CCNA2: variants seen among roughly 807,000 people sequenced by gnomAD.
CCNA2 encodes the protein cyclin A2, also known as cyclin-A2.
A neutral mutation model predicts 49.4 loss-of-function variants in CCNA2; 3 were observed. That is an observed-to-expected ratio of 0.06 (90% CI 0.03 to 0.16). The LOEUF (loss-of-function observed/expected upper bound fraction) is 0.16, where lower values mean the gene tolerates loss of function less well. CCNA2 is among the 10% of genes least tolerant of loss of function. The probability of loss-of-function intolerance (pLI) is 1.00; values close to 1 mark genes in which losing one functional copy is unlikely to be tolerated. For synonymous variants in CCNA2, 206 were observed against 197.2 expected, an observed-to-expected ratio of 1.04 and a Z score of -0.37; for missense variants, 372 against 519.7, an observed-to-expected ratio of 0.72 and a Z score of 2.76.
Position 121,820,951 on chromosome 4 carries a change from A to T in CCNA2, c.570+28T>A, listed in dbSNP as rs751264133. 10 of 1,568,316 alleles carry T rather than the reference A, an allele frequency of 6.4e-6. No homozygotes were observed. The Admixed American group carries it at 1.0e-4, about 16-fold the overall frequency. ...TTTAGCCACATTTAACAAATACATT[A>T]TACAAACTGGATTCAGAGAACCTTT... On this transcript the variant is annotated intron_variant, in intron 3 of 7. Transcript: ENST00000274026. The surrounding 1 kb of genome is among the most constrained non-coding windows in gnomAD (Gnocchi z 4.1).
At position 121,819,565 on chromosome 4, in the gene CCNA2, A is replaced by T; in HGVS notation, c.809T>A (p.Ile270Lys). ...AMLLASKFEE[I>K]YPPEVAEFVY... Reference sequence around the variant, plus strand: ...AAACTCTGCTACTTCTGGGGGGTATATTTCTTCAAACTTTCTACAATGAAA... The same window carrying T: ...AAACTCTGCTACTTCTGGGGGGTATTTTTCTTCAAACTTTCTACAATGAAA... Residue 270 changes from isoleucine to lysine, a missense_variant, in exon 5 of 8, where the codon ATA becomes AAA. This residue lies in a region of CCNA2 where 155 missense variants were observed against 288.1 expected (regional missense o/e 0.54). Transcript: ENST00000274026. 1 of 1,612,640 alleles carries T rather than the reference A, an allele frequency of 6.2e-7. No homozygotes were observed. Among genetic ancestry groups the T allele is most frequent in the Non-Finnish European group, 8.5e-7 (1 of 1,178,912 alleles).
chr4:121,820,872 A>G lies in CCNA2; in HGVS notation c.570+107T>C. 3 of 1,252,474 alleles carry G rather than the reference A, an allele frequency of 2.4e-6. No individual in the cohort carries two copies. Among genetic ancestry groups the G allele is most frequent in the African/African-American group, 1.5e-5 (1 of 66,628 alleles). 77.6% of individuals were successfully genotyped at this position (1,252,474 alleles called of 1,614,324 possible). A position where few individuals can be genotyped will look rare whatever the true frequency, so the allele number is the denominator to read the frequency against. On this transcript the variant is annotated intron_variant, in intron 3 of 7. Coordinates refer to ENST00000274026, the MANE Select transcript of CCNA2 (RefSeq NM_001237.5). This position sits in a 1 kb window ranked among gnomAD's most constrained non-coding sequence, Gnocchi z 4.1. ...GGCTACATGCTATAAACTTAACTGT[A>G]GCATTAGAATAATTCATTAGTTTAA...
In CCNA2 at chr4:121,817,778, A is replaced by G. The variant is rs987500218; in HGVS notation, c.1251-92T>C. 3.2e-6 allele frequency: 5 copies of G among 1,539,336 alleles called. No individual in the cohort carries two copies. The Admixed American group carries it at 5.3e-5, about 16-fold the overall frequency. ...TGTTTGTACTCATGTATTGGGAACT[A>G]AAAAATGCTATTTCTGTCTGACCGA... On this transcript the variant is annotated intron_variant, in intron 7 of 7. Transcript: ENST00000274026.
intron 5 of CCNA2, 64 bp from the exon 6 acceptor site, chr4:121,818,977 TCTAAC>T (rs1386804362): frequency 2.2e-5 from 23 of 1,062,126 alleles, no homozygotes; most frequent in Middle Eastern, 2.0e-4. Context: ...ACCTCTGCCT[TCTAAC>T]CTAATTTTTT....
chr4:121,823,753 A>C lies in CCNA2; in HGVS notation c.-125T>G. 1 of 1,430,654 alleles carries C rather than the reference A, an allele frequency of 7.0e-7. No homozygotes were observed. Among genetic ancestry groups the C allele is most frequent in the Non-Finnish European group, 9.1e-7 (1 of 1,094,902 alleles). 88.6% of individuals were successfully genotyped at this position (1,430,654 alleles called of 1,614,324 possible). ...GTAGCCGCCGGTCGCAGCCCAGGCCAGCCTACCAGCCCGCCCGCTCGCTCA... is the reference window on the plus strand; with the variant it reads ...GTAGCCGCCGGTCGCAGCCCAGGCCCGCCTACCAGCCCGCCCGCTCGCTCA... On this transcript the variant is annotated 5_prime_UTR_variant, in exon 1 of 8. Transcript: ENST00000274026.
rs1436611730 is a variant in CCNA2, at chr4:121,818,191, A to C, written c.1117-14T>G. ...TAATGATTCAGGCTACAGAGAAGGG[A>C]ATAGAGAACCCCTGAGTTTTGCTTT... On this transcript the variant is annotated splice_polypyrimidine_tract_variant and intron_variant, in intron 6 of 7. Coordinates refer to ENST00000274026, the MANE Select transcript of CCNA2 (RefSeq NM_001237.5). 6.2e-7 allele frequency: 1 copy of C among 1,605,840 alleles called. No individual in the cohort carries two copies. The highest frequency in any genetic ancestry group is 2.2e-5 in the East Asian group (1 of 44,836).
chr4:121,822,258 G>GT, intron 2 of CCNA2, 145 bp downstream of exon 2: 1 of 788,238 alleles, frequency 1.3e-6, no homozygotes, highest in Non-Finnish European at 2.0e-6. Context: ...TCTGAGATAA[G>GT]TCACATCCTT....
chr4:121,818,328 G>T, intron 6 of CCNA2, 151 bp from the exon 7 acceptor site: 1 of 705,784 alleles, frequency 1.4e-6, no homozygotes, highest in Non-Finnish European at 2.4e-6. Flanking sequence ...TCCATCCCTC[G>T]ATCCATTTTC....
Position 121,817,431 on chromosome 4 carries a change from CTTAAAA to C in CCNA2, c.*201_*206del, listed in dbSNP as rs777640763. 2.0e-6 allele frequency: 1 copy of C among 497,704 alleles called. No homozygotes were observed. The highest frequency in any genetic ancestry group is 3.4e-6 in the Non-Finnish European group (1 of 295,718). The allele number at this position is 497,704 out of a possible 1,614,324, so 30.8% of individuals were successfully genotyped here. A position where few individuals can be genotyped will look rare whatever the true frequency, so the allele number is the denominator to read the frequency against. ...CATCATTAATACTTTAACAAAACCA[CTTAAAA>C]TTAGCCAAATATCTAAGACAGATAC... On this transcript the variant is annotated 3_prime_UTR_variant, in exon 8 of 8. Coordinates refer to ENST00000274026, the MANE Select transcript of CCNA2 (RefSeq NM_001237.5).
rs1724522940 is a variant in CCNA2 at position 121,816,589 on chromosome 4, A to AC, written c.*1048_*1049insG. The AC allele has an allele frequency of 2.4e-6, 2 of 821,108 alleles. No homozygotes were observed. The highest frequency in any genetic ancestry group is 3.4e-5 in the Admixed American group (1 of 29,542). 50.9% of individuals were successfully genotyped at this position (821,108 alleles called of 1,614,324 possible). A position where few individuals can be genotyped will look rare whatever the true frequency, so the allele number is the denominator to read the frequency against. On this transcript the variant is annotated 3_prime_UTR_variant, in exon 8 of 8. Coordinates refer to ENST00000274026, the MANE Select transcript of CCNA2 (RefSeq NM_001237.5). ...TCATTAGAGATCCATCTGTTCTGTGATTTTTTTACCTTGTGATTTATAAAA... is the reference window on the plus strand; with the variant it reads ...TCATTAGAGATCCATCTGTTCTGTGACTTTTTTTACCTTGTGATTTATAAAA...
intron 5 of CCNA2, among the ~76,000 whole-genome samples, 153 bp downstream of exon 5, chr4:121,819,219 C>T (rs1012651976): frequency 1.3e-5 from 2 of 152,174 alleles, no homozygotes; most frequent in African/African-American, 4.8e-5. Flanking sequence ...CAGCAGTAGG[C>T]TTTCTTCCAT....
chr4:121,816,599 C>T lies in CCNA2; in HGVS notation c.*1039G>A. The T allele has an allele frequency of 2.4e-6, 2 of 819,784 alleles. No homozygotes were observed. Among genetic ancestry groups the T allele is most frequent in the South Asian group, 2.3e-5 (1 of 43,788 alleles). 50.8% of individuals were successfully genotyped at this position (819,784 alleles called of 1,614,324 possible). On this transcript the variant is annotated 3_prime_UTR_variant, in exon 8 of 8. Transcript: ENST00000274026. ...TCCATCTGTTCTGTGATTTTTTTAC[C>T]TTGTGATTTATAAAAATTAGGACCT... is the stretch of plus-strand genomic sequence containing the variant.
chr4:121,822,230 C>G (rs1379734787), intron 2 of CCNA2, among the ~76,000 whole-genome samples, 173 bp downstream of exon 2: 1 of 152,130 alleles, frequency 6.6e-6, no homozygotes, highest in Non-Finnish European at 1.5e-5. Flanking sequence ...GTCACCAAGT[C>G]AAGTGTTAGC....
chr4:121,816,482 T>G lies in CCNA2; in HGVS notation c.*1156A>C. 1.5e-6 allele frequency: 2 copies of G among 1,297,148 alleles called. No homozygotes were observed. The highest frequency in any genetic ancestry group is 2.2e-6 in the Non-Finnish European group (2 of 922,004). 80.4% of individuals were successfully genotyped at this position (1,297,148 alleles called of 1,614,324 possible). On this transcript the variant is annotated 3_prime_UTR_variant, in exon 8 of 8. Coordinates refer to ENST00000274026, the MANE Select transcript of CCNA2 (RefSeq NM_001237.5). ...TTCTGGTTTATTTCAAATGTATACA[T>G]ATACTCAACACTTATAGAGGTTTGC...
Position 121,818,892 on chromosome 4 carries a change from T to C in CCNA2, c.1024A>G (p.Ile342Val). 2.5e-6 allele frequency: 4 copies of C among 1,610,916 alleles called. No individual in the cohort carries two copies. The highest frequency in any genetic ancestry group is 2.5e-6 in the Non-Finnish European group (3 of 1,177,092). The change falls in exon 6 of 8, where the codon ATA (isoleucine) becomes GTA (valine). Residue 342 changes from isoleucine to valine, a missense_variant. Around this residue, in one of 2 missense-constraint regions of CCNA2, gnomAD observed 155 missense variants for 288.1 expected, o/e 0.54. Transcript: ENST00000274026. Reference sequence around the variant, plus strand: ...TACTTGAGGTATGGGTCAGCATCTATCAAACTTAATTCTCCCAAAAACTGG... The same window carrying C: ...TACTTGAGGTATGGGTCAGCATCTACCAAACTTAATTCTCCCAAAAACTGG... Reference protein sequence around the residue: ...LAMFLGELSLIDADPYLKYLP... With the variant: ...LAMFLGELSLVDADPYLKYLP...
At position 121,817,423 on chromosome 4, in the gene CCNA2, C is replaced by A; in HGVS notation, c.*215G>T. On this transcript the variant is annotated 3_prime_UTR_variant, in exon 8 of 8. Transcript: ENST00000274026. ...ACAGCTGGCATCATTAATACTTTAA[C>A]AAAACCACTTAAAATTAGCCAAATA... The A allele has an allele frequency of 2.1e-6, 1 of 473,374 alleles. No individual in the cohort carries two copies. Among genetic ancestry groups the A allele is most frequent in the Non-Finnish European group, 3.6e-6 (1 of 276,968 alleles). 29.3% of individuals were successfully genotyped at this position (473,374 alleles called of 1,614,324 possible). A position where few individuals can be genotyped will look rare whatever the true frequency, so the allele number is the denominator to read the frequency against.
At position 121,818,983 on chromosome 4, in the gene CCNA2, C is replaced by T; in HGVS notation, c.1003-70G>A. ...AAATGTCAAACCTCTGCCTTCTAAC[C>T]TAATTTTTTCCTGCCTTTGATAACG... On this transcript the variant is annotated intron_variant, in intron 5 of 7. Coordinates refer to ENST00000274026, the MANE Select transcript of CCNA2 (RefSeq NM_001237.5). The T allele has an allele frequency of 6.0e-6, 6 of 1,001,608 alleles. No individual in the cohort carries two copies. The Admixed American group carries it at 1.1e-4, about 19-fold the overall frequency. The allele number at this position is 1,001,608 out of a possible 1,614,324, so 62.0% of individuals were successfully genotyped here.
chr4:121,823,509 G>T lies in CCNA2; in HGVS notation c.120C>A (p.Pro40=), dbSNP rs758098987. ...QENINPEKAA[P]VQQPRTRAAL... The stretch of plus-strand genomic sequence containing the variant: ...CGGCCCGGGTCCGCGGTTGTTGGAC[G>T]GGCGCTGCCTTTTCCGGGTTGATAT... Residue 40 remains proline (P), a synonymous_variant, in exon 1 of 8, where the codon CCC becomes CCA. Coordinates refer to ENST00000274026, the MANE Select transcript of CCNA2 (RefSeq NM_001237.5). The T allele has an allele frequency of 3.7e-6, 6 of 1,613,178 alleles. No homozygotes were observed. The South Asian group carries it at 6.6e-5, about 18-fold the overall frequency.
Position 121,820,482 on chromosome 4 carries a change from T to C in CCNA2, c.794+60A>G, listed in dbSNP as rs1352571021. ...TGTTAAAAGGTCACCATTAAAAAAA[T>C]CAATTTCTTCCCTAGACAAAAGGTC... On this transcript the variant is annotated intron_variant, in intron 4 of 7. Transcript: ENST00000274026. The surrounding 1 kb of genome is among the most constrained non-coding windows in gnomAD (Gnocchi z 4.1). 7 of 1,264,612 alleles carry C rather than the reference T, an allele frequency of 5.5e-6. No individual in the cohort carries two copies. Among genetic ancestry groups the C allele is most frequent in the Non-Finnish European group, 7.8e-6 (7 of 892,048 alleles). 78.3% of individuals were successfully genotyped at this position (1,264,612 alleles called of 1,614,324 possible).
Sources: gnomAD v4.1 joint callset for allele counts (sites outside exome capture counted in the v4.1 genomes callset) on GRCh38, gnomAD v4.1.1 for gene constraint, gnomAD v4.1.1 regional missense constraint, Gnocchi (gnomAD v3.1) non-coding constraint, MANE v1.5 for transcripts, NCBI Gene and HGNC (gene_info 2026-07-23, HGNC 2026-07-21) for gene names.